RHO: variants seen among roughly 807,000 people sequenced by gnomAD.
RHO encodes opsin 2, rod pigment.
RHO carries 21 observed loss-of-function variants against 31.2 expected under a neutral mutation model. The observed-to-expected ratio is 0.67, with a 90% CI of 0.48 to 0.97. The LOEUF (loss-of-function observed/expected upper bound fraction) is 0.97. RHO is among the 50% of genes least tolerant of loss of function. The probability of loss-of-function intolerance (pLI) is 0.00; values close to 1 mark genes in which losing one functional copy is unlikely to be tolerated. For synonymous variants in RHO, 211 were observed against 196.6 expected, an observed-to-expected ratio of 1.07 and a Z score of -0.61; for missense variants, 414 against 479.5, an observed-to-expected ratio of 0.86 and a Z score of 1.28.
chr3:129,530,094 T>C (rs1452647950), intron 1 of RHO, among the ~76,000 whole-genome samples: 1 of 152,212 alleles, frequency 6.6e-6, no homozygotes, highest in East Asian at 1.9e-4. Context: ...TGGCCATTGT[T>C]GGGTGTTTGT....
At chr3:129,529,137 A>T (rs1578278534) in intron 1 of RHO, 43 bp downstream of exon 1, 1 of 1,593,200 alleles carries the variant, frequency 6.3e-7, no homozygotes, top group Non-Finnish European at 8.5e-7. Flanking sequence ...GCCCGGGAGC[A>T]TGGAGGGGTC....
In RHO at chr3:129,528,966, AC is replaced by A. The variant is rs1478248064; in HGVS notation, c.235del (p.Leu79Ter). 6.2e-6 allele frequency: 10 copies of A among 1,613,990 alleles called. No individual in the cohort carries two copies. Among genetic ancestry groups the A allele is most frequent in the Non-Finnish European group, 8.5e-6 (10 of 1,180,022 alleles). On this transcript the variant is annotated frameshift_variant, in exon 1 of 5. Coordinates refer to ENST00000296271, the MANE Select transcript of RHO (RefSeq NM_000539.3). LOFTEE classifies it high-confidence loss of function. ...LRTPLNYILL[N>X]LAVADLFMVL... ...ACGCCTCTCAACTACATCCTGCTCA[AC>A]CTAGCCGTGGCTGACCTCTTCATGG...
chr3:129,532,800 G>T lies in RHO; in HGVS notation c.936+28G>T. 4 of 1,613,166 alleles carry T rather than the reference G, an allele frequency of 2.5e-6. No homozygotes were observed. Among genetic ancestry groups the T allele is most frequent in the Non-Finnish European group, 3.4e-6 (4 of 1,180,030 alleles). ...GCCTACTGCGGGTGGGAGGGCCCCAGTGCCCCAGGCCACAGGCGCTGCCTG... is the reference window on the plus strand; with the variant it reads ...GCCTACTGCGGGTGGGAGGGCCCCATTGCCCCAGGCCACAGGCGCTGCCTG... On this transcript the variant is annotated intron_variant, in intron 4 of 4. Coordinates refer to ENST00000296271, the MANE Select transcript of RHO (RefSeq NM_000539.3). This position sits in a 1 kb window ranked among gnomAD's most constrained non-coding sequence, Gnocchi z 5.5.
chr3:129,531,125 C>T, intron 2 of RHO, 81 bp downstream of exon 2: 2 of 1,534,262 alleles, frequency 1.3e-6, no homozygotes, highest in African/African-American at 2.7e-5. Flanking sequence ...CCAGTAGTGT[C>T]TGGTTCCAGG....
At position 129,529,217 on chromosome 3, in the gene RHO, C is replaced by T. The variant is rs1003947341; in HGVS notation, c.361+123C>T. The T allele has an allele frequency of 7.2e-6, 9 of 1,252,180 alleles. No individual in the cohort carries two copies. In the African/African-American group the frequency reaches 1.2e-4, roughly 17 times the overall value. 77.6% of individuals were successfully genotyped at this position (1,252,180 alleles called of 1,614,324 possible). A position where few individuals can be genotyped will look rare whatever the true frequency, so the allele number is the denominator to read the frequency against. On this transcript the variant is annotated intron_variant, in intron 1 of 4. Transcript: ENST00000296271. ...CCTTCTCCTGTCCTGTCAATGTTAT[C>T]CAAAGCCCTCATATATTCAGTCAAC...
intron 1 of RHO, among the ~76,000 whole-genome samples, chr3:129,530,533 A>ACACAACACACACAC (rs1553781099): frequency 4.1e-5 from 5 of 122,898 alleles, no homozygotes; most frequent in African/African-American, 2.0e-4. Context: ...ACACACACAC[A>ACACAACACACACAC]ACACACACAC....
At chr3:129,533,552 A>C (rs1054086365) in intron 4 of RHO, 56 bp from the exon 5 acceptor site, 6 of 1,297,984 alleles carry the variant, frequency 4.6e-6, no homozygotes, top group Non-Finnish European at 6.7e-6. Flanking sequence ...CTAACGTGCC[A>C]GTTCCAAGCA....
rs2084784005 is a variant in RHO, at chr3:129,532,064, T to C, written c.531-187T>C. Among the ~76,000 whole-genome samples the C allele has an allele frequency of 6.6e-6, 1 of 152,194 alleles. No individual in the cohort carries two copies. The highest frequency in any genetic ancestry group is 2.4e-5 in the African/African-American group (1 of 41,444). On this transcript the variant is annotated intron_variant, in intron 2 of 4. Transcript: ENST00000296271. This position sits in a 1 kb window ranked among gnomAD's most constrained non-coding sequence, Gnocchi z 5.5. ...CAGCCACCAAACAATGAAGCGACACTGATTCCACAAGGTGCATCTGCATCC... is the reference window on the plus strand; with the variant it reads ...CAGCCACCAAACAATGAAGCGACACCGATTCCACAAGGTGCATCTGCATCC...
intron 4 of RHO, 55 bp from the exon 5 acceptor site, chr3:129,533,553 G>T: frequency 7.4e-7 from 1 of 1,344,368 alleles, no homozygotes; most frequent in Non-Finnish European, 1.1e-6. Context: ...TAACGTGCCA[G>T]TTCCAAGCAC....
intron 1 of RHO, among the ~76,000 whole-genome samples, chr3:129,529,498 A>G (rs1234834039): frequency 1.3e-5 from 2 of 152,218 alleles, no homozygotes; most frequent in Non-Finnish European, 2.9e-5. Flanking sequence ...GTGCTGAGTC[A>G]GACCCAGGCT....
In RHO at chr3:129,528,836, T is replaced by C. The variant is rs1259844494; in HGVS notation, c.103T>C (p.Trp35Arg). 12 of 1,614,140 alleles carry C rather than the reference T, an allele frequency of 7.4e-6. No homozygotes were observed. Among genetic ancestry groups the C allele is most frequent in the African/African-American group, 5.3e-5 (4 of 74,948 alleles). The change falls in exon 1 of 5, where the codon TGG (tryptophan) becomes CGG (arginine). Residue 35 changes from tryptophan to arginine, a missense_variant. Coordinates refer to ENST00000296271, the MANE Select transcript of RHO (RefSeq NM_000539.3). ...EYPQYYLAEP[W>R]QFSMLAAYMF... ...CCCACAGTACTACCTGGCTGAGCCATGGCAGTTCTCCATGCTGGCCGCCTA... is the reference window on the plus strand; with the variant it reads ...CCCACAGTACTACCTGGCTGAGCCACGGCAGTTCTCCATGCTGGCCGCCTA...
intron 1 of RHO, among the ~76,000 whole-genome samples, chr3:129,530,506 A>AACACACACACAC (rs146327704): frequency 1.5e-5 from 2 of 132,258 alleles, no homozygotes; most frequent in African/African-American, 3.4e-5. Flanking sequence ...TCTTCTGCTA[A>AACACACACACAC]ACACACACAC....
intron 2 of RHO, among the ~76,000 whole-genome samples, chr3:129,531,781 C>T (rs946860061): frequency 2.6e-5 from 4 of 152,218 alleles, no homozygotes; most frequent in Admixed American, 6.5e-5. Context: ...GTCCTAATGA[C>T]GTGCGCTGGA....
Position 129,532,193 on chromosome 3 carries a change from C to A in RHO, c.531-58C>A. 6.8e-7 allele frequency: 1 copy of A among 1,478,624 alleles called. No individual in the cohort carries two copies. The highest frequency in any genetic ancestry group is 1.1e-5 in the South Asian group (1 of 88,348). The allele number at this position is 1,478,624 out of a possible 1,614,324, so 91.6% of individuals were successfully genotyped here. On this transcript the variant is annotated intron_variant, in intron 2 of 4. Coordinates refer to ENST00000296271, the MANE Select transcript of RHO (RefSeq NM_000539.3). This position sits in a 1 kb window ranked among gnomAD's most constrained non-coding sequence, Gnocchi z 5.5. ...CCAGAAAGGGCCAGCGCTCGGCAGC[C>A]ACCTTGGCTGTTCCCAAGTCCCTCA...
intron 4 of RHO, 90 bp from the exon 5 acceptor site, chr3:129,533,518 G>A: frequency 1.0e-6 from 1 of 976,160 alleles, no homozygotes; most frequent in South Asian, 1.3e-5. Context: ...GGCAGAAGCA[G>A]GCAAAGGGTC....
chr3:129,529,827 A>G (rs2084765266), intron 1 of RHO, among the ~76,000 whole-genome samples: 1 of 152,214 alleles, frequency 6.6e-6, no homozygotes, highest in East Asian at 1.9e-4. Flanking sequence ...GATCCCACTT[A>G]ACAGAGAGGA....
chr3:129,534,041 G>A lies in RHO; in HGVS notation c.*323G>A, dbSNP rs963441852. The A allele has an allele frequency of 2.9e-6, 1 of 348,084 alleles. No individual in the cohort carries two copies. The highest frequency in any genetic ancestry group is 2.1e-5 in the African/African-American group (1 of 47,596). The allele number at this position is 348,084 out of a possible 1,614,324, so 21.6% of individuals were successfully genotyped here. A position where few individuals can be genotyped will look rare whatever the true frequency, so the allele number is the denominator to read the frequency against. ...TTCTGGAAAAGTGTCCCAGCTTAGG[G>A]ATAAGTGTCTAGCACAGAATGGGGC... is the stretch of plus-strand genomic sequence containing the variant. On this transcript the variant is annotated 3_prime_UTR_variant, in exon 5 of 5. Transcript: ENST00000296271.
chr3:129,530,536 AC>A (rs1329123541), intron 1 of RHO, among the ~76,000 whole-genome samples: 3 of 138,068 alleles, frequency 2.2e-5, no homozygotes, highest in Non-Finnish European at 4.9e-5. Context: ...CACACACAAC[AC>A]ACACACACAC....
At chr3:129,531,684 A>G (rs562374398) in intron 2 of RHO, among the ~76,000 whole-genome samples, 20 of 152,204 alleles carry the variant, frequency 1.3e-4, no homozygotes, top group African/African-American at 4.6e-4. Flanking sequence ...AATCTGGCCT[A>G]GTTCTATCCT....
Sources: allele counts gnomAD v4.1 joint callset (sites outside exome capture counted in the v4.1 genomes callset), GRCh38; gene constraint gnomAD v4.1.1; non-coding constraint Gnocchi (gnomAD v3.1); transcripts MANE v1.5; gene names NCBI Gene and HGNC (gene_info 2026-07-23, HGNC 2026-07-21).